The following CLNK variants were observed in gnomAD, a reference collection of about 807,000 sequenced individuals.
The protein encoded by CLNK is cytokine dependent hematopoietic cell linker, also known as cytokine-dependent hematopoietic cell linker.
In CLNK, 74 loss-of-function variants were observed where a neutral mutation model predicts 68.6. That is an observed-to-expected ratio of 1.08 (90% CI 0.89 to 1.31). The LOEUF (loss-of-function observed/expected upper bound fraction) is 1.31. CLNK is among the 50% of genes most tolerant of loss of function. CLNK has a pLI of 0.00. For missense variants in CLNK, 553 were observed against 515.3 expected, an observed-to-expected ratio of 1.07 and a Z score of -0.71; for synonymous variants, 198 against 172.2, an observed-to-expected ratio of 1.15 and a Z score of -1.17.
At chr4:10,525,148 T>A (rs1234837554) in intron 14 of CLNK, among the ~76,000 whole-genome samples, 3 of 152,156 alleles carry the variant, frequency 2.0e-5, no homozygotes, top group Admixed American at 6.5e-5. Context: ...CACTGCTAGC[T>A]CTGCCTCCCG....
intron 2 of CLNK, among the ~76,000 whole-genome samples, chr4:10,629,554 C>T (rs918086298): frequency 2.6e-5 from 4 of 152,170 alleles, no homozygotes; most frequent in African/African-American, 9.7e-5. Context: ...CAGGCATCTG[C>T]GAGGGGACGC....
At chr4:10,703,653 A>G in the CLNK span, among the ~76,000 whole-genome samples, 2 of 152,202 alleles carry the variant, frequency 1.3e-5, no homozygotes, top group Admixed American at 1.3e-4. Flanking sequence ...AGTTATGCAA[A>G]CATCATGAAG....
At chr4:10,612,775 C>T (rs7680785) in intron 2 of CLNK, among the ~76,000 whole-genome samples, 56 of 152,236 alleles carry the variant, frequency 3.7e-4, no homozygotes, top group African/African-American at 1.1e-3. Flanking sequence ...ATAATCAAAC[C>T]CAGGAAGCCA....
chr4:10,651,533 C>T (rs947096440), intron 2 of CLNK, among the ~76,000 whole-genome samples: 1 of 152,134 alleles, frequency 6.6e-6, no homozygotes, highest in Non-Finnish European at 1.5e-5. Flanking sequence ...GAACATCACA[C>T]ACTGGGGCCT....
rs180825358 is a variant in CLNK at position 10,646,750 on chromosome 4, C to A, written c.11+21109G>T. 1.3e-3 allele frequency among the ~76,000 whole-genome samples: 196 copies of A among 152,200 alleles called. 2 individuals carry two copies. Among genetic ancestry groups the A allele is most frequent in the African/African-American group, 4.5e-3 (186 of 41,522 alleles). ...ATGGGTAAATGTAACTGCCTATATT[C>A]CGCAGGAGAGCAAACACCCACATTC... On this transcript the variant is annotated intron_variant, in intron 2 of 18. Transcript: ENST00000226951.
intron 1 of CLNK, among the ~76,000 whole-genome samples, chr4:10,684,116 C>G (rs1725182995): frequency 6.6e-6 from 1 of 152,142 alleles, no homozygotes. Context: ...AGAATTTAAC[C>G]CCAACTTTAA....
intron 15 of CLNK, among the ~76,000 whole-genome samples, chr4:10,520,357 G>A (rs1210107169): frequency 6.6e-6 from 1 of 152,114 alleles, no homozygotes; most frequent in Non-Finnish European, 1.5e-5. Context: ...AATGGATTGG[G>A]AAAAATTAAA....
chr4:10,718,327 C>T, the CLNK span, among the ~76,000 whole-genome samples: 5 of 151,992 alleles, frequency 3.3e-5, no homozygotes, highest in African/African-American at 1.2e-4. Flanking sequence ...AAATGAACCA[C>T]AAACACAAAA....
chr4:10,693,608 C>T, the CLNK span, among the ~76,000 whole-genome samples: 1 of 152,216 alleles, frequency 6.6e-6, no homozygotes, highest in Non-Finnish European at 1.5e-5. Flanking sequence ...CTCCAGAACC[C>T]TGAGAGGACT....
Position 10,655,072 on chromosome 4 carries a change from G to C in CLNK, c.11+12787C>G, listed in dbSNP as rs1199109482. On this transcript the variant is annotated intron_variant, in intron 2 of 18. Transcript: ENST00000226951. ...GCCGAGATCACACCACTGCACTCCA[G>C]TCTGGGTGACAGAACGAGACACCGA... Among the ~76,000 whole-genome samples, 2 of 136,690 alleles carry C rather than the reference G, an allele frequency of 1.5e-5. 1 individual carries two copies. Among genetic ancestry groups the C allele is most frequent in the African/African-American group, 5.5e-5 (2 of 36,502 alleles). The allele number at this position is 136,690 out of a possible 152,430, so 89.7% of individuals were successfully genotyped here.
intron 1 of CLNK, among the ~76,000 whole-genome samples, chr4:10,676,613 G>C (rs1332515228): frequency 6.6e-6 from 1 of 151,988 alleles, no homozygotes; most frequent in Non-Finnish European, 1.5e-5. Flanking sequence ...TATTATTCCT[G>C]TTGAGTTTTG....
chr4:10,501,012 T>C (rs542376622), intron 18 of CLNK, among the ~76,000 whole-genome samples: 5 of 152,306 alleles, frequency 3.3e-5, no homozygotes, highest in Admixed American at 6.5e-5. Flanking sequence ...AGATGTGTCT[T>C]GTAGAATGAG....
At chr4:10,591,089 A>G (rs1560231599) in intron 3 of CLNK, among the ~76,000 whole-genome samples, 2 of 152,192 alleles carry the variant, frequency 1.3e-5, no homozygotes, top group Non-Finnish European at 2.9e-5. Context: ...GGAAATGCAC[A>G]GTGTGCTCAG....
At chr4:10,710,340 C>A in the CLNK span, among the ~76,000 whole-genome samples, 144,102 of 152,252 alleles carry the variant, frequency 0.95, 68,297 homozygotes, top group East Asian at 1. Flanking sequence ...CACCAACCAG[C>A]GCTGGGGTCC....
At chr4:10,571,326 C>CTTTT (rs60429766) in intron 5 of CLNK, among the ~76,000 whole-genome samples, 9 of 64,592 alleles carry the variant, frequency 1.4e-4, no homozygotes, top group African/African-American at 2.5e-4. Flanking sequence ...GTTGCTGTTG[C>CTTTT]TTTTTTTTTT....
chr4:10,717,823 T>C, the CLNK span, among the ~76,000 whole-genome samples: 1 of 152,148 alleles, frequency 6.6e-6, no homozygotes, highest in Non-Finnish European at 1.5e-5. Context: ...AAAAAAGTCA[T>C]TATACCAAGA....
At chr4:10,553,764 T>G (rs941006702) in intron 8 of CLNK, among the ~76,000 whole-genome samples, 1 of 152,222 alleles carries the variant, frequency 6.6e-6, no homozygotes, top group African/African-American at 2.4e-5. Flanking sequence ...TTCTCTTTTA[T>G]TTAATATGAT....
chr4:10,503,662 A>G (rs1212996380), intron 17 of CLNK, among the ~76,000 whole-genome samples: 1 of 149,716 alleles, frequency 6.7e-6, no homozygotes, highest in Non-Finnish European at 1.5e-5. Flanking sequence ...CTTTAAGTAT[A>G]CAAAATTTAG....
chr4:10,501,618 A>T (rs1717055000), intron 17 of CLNK, among the ~76,000 whole-genome samples: 1 of 152,002 alleles, frequency 6.6e-6, no homozygotes, highest in Non-Finnish European at 1.5e-5. Flanking sequence ...GGATCTTGAC[A>T]CTCTCTTCTT....
Sources: allele counts gnomAD v4.1 joint callset (sites outside exome capture counted in the v4.1 genomes callset), GRCh38; gene constraint gnomAD v4.1.1; transcripts MANE v1.5; gene names NCBI Gene and HGNC (gene_info 2026-07-23, HGNC 2026-07-21).